THRB: variants seen among roughly 807,000 people sequenced by gnomAD.
The protein encoded by THRB is nuclear receptor subfamily 1 group A member 2.
In THRB, 12 loss-of-function variants were observed where a neutral mutation model predicts 47.8. The observed-to-expected ratio is 0.25, with a 90% CI of 0.16 to 0.41. THRB has a LOEUF of 0.41. Among genes scored for constraint, THRB ranks in the 10% least tolerant of loss-of-function variants. THRB has a pLI of 1.00. For missense variants in THRB, 348 were observed against 589.2 expected (o/e 0.59, Z 4.24); for synonymous variants, 218 against 212.2 (o/e 1.03, Z -0.24).
intron 1 of THRB, among the ~76,000 whole-genome samples, chr3:24,404,643 T>C (rs2067679799): frequency 6.6e-6 from 1 of 151,898 alleles, no homozygotes; most frequent in African/African-American, 2.4e-5. Context: ...TCATGAAAAA[T>C]GTTATTTATG....
chr3:24,261,103 G>A (rs990617517), intron 3 of THRB, among the ~76,000 whole-genome samples: 1 of 107,760 alleles, frequency 9.3e-6, no homozygotes, highest in Admixed American at 9.0e-5. Context: ...CCCACTTAGA[G>A]ACATGTTGCA....
chr3:24,133,538 G>A (rs1559416104), intron 8 of THRB, 76 bp from the exon 9 acceptor site: 6 of 1,376,262 alleles, frequency 4.4e-6, no homozygotes, highest in Non-Finnish European at 6.2e-6. Flanking sequence ...TTATGTGGCA[G>A]AAAATCTCTT....
At chr3:24,354,478 T>A (rs2063547250) in intron 1 of THRB, among the ~76,000 whole-genome samples, 1 of 152,176 alleles carries the variant, frequency 6.6e-6, no homozygotes, top group South Asian at 2.1e-4. Context: ...GACTAGGATC[T>A]CACCATTGGG....
At position 24,135,847 on chromosome 3, in the gene THRB, A is replaced by ATATATATATATATATATATATATATT. The variant is rs371175625; in HGVS notation, c.739-2386_739-2385insAATATATATATATATATATATATATA. On this transcript the variant is annotated intron_variant, in intron 8 of 10. Transcript: ENST00000646209. Reference sequence around the variant, plus strand: ...TATATATATATATATATATATATATAATACATAAATATATATTAATTACAT... The same window carrying ATATATATATATATATATATATATATT: ...TATATATATATATATATATATATATATATATATATATATATATATATATATTATACATAAATATATATTAATTACAT... 1.4e-4 allele frequency among the ~76,000 whole-genome samples: 18 copies of ATATATATATATATATATATATATATT among 130,980 alleles called. No individual in the cohort carries two copies. In the East Asian group the frequency reaches 1.5e-3, roughly 11 times the overall value. 85.9% of individuals were successfully genotyped at this position (130,980 alleles called of 152,430 possible).
intron 3 of THRB, among the ~76,000 whole-genome samples, chr3:24,270,025 T>C (rs949984523): frequency 5.9e-5 from 9 of 152,220 alleles, no homozygotes; most frequent in Non-Finnish European, 1.2e-4. Flanking sequence ...GTTTTACAAA[T>C]AGTGTTTACT....
intron 1 of THRB, among the ~76,000 whole-genome samples, chr3:24,421,600 G>A (rs182254884): frequency 1.3e-5 from 2 of 151,972 alleles, no homozygotes; most frequent in African/African-American, 2.4e-5. Context: ...AGTTTCCACA[G>A]GACGTGCCAC....
At chr3:24,441,280 T>A (rs888372614) in intron 1 of THRB, among the ~76,000 whole-genome samples, 1 of 152,180 alleles carries the variant, frequency 6.6e-6, no homozygotes, top group Admixed American at 6.5e-5. Flanking sequence ...ATTATCATAT[T>A]CACAGGTCCA....
intron 3 of THRB, among the ~76,000 whole-genome samples, chr3:24,280,379 C>G (rs892769829): frequency 1.1e-4 from 17 of 152,218 alleles, no homozygotes; most frequent in Admixed American, 7.8e-4. Flanking sequence ...TGAGGGTCCT[C>G]TCTGTTAGAA....
chr3:24,208,590 C>A (rs1249538442), intron 4 of THRB, among the ~76,000 whole-genome samples: 5 of 152,126 alleles, frequency 3.3e-5, no homozygotes, highest in Non-Finnish European at 7.4e-5. Flanking sequence ...CAAAAACAAG[C>A]AATGGGGAAA....
chr3:24,372,737 C>G (rs2065007111), intron 1 of THRB, among the ~76,000 whole-genome samples: 1 of 152,020 alleles, frequency 6.6e-6, no homozygotes, highest in African/African-American at 2.4e-5. Context: ...TCCAATGTCT[C>G]AGGAAATTAA....
intron 3 of THRB, among the ~76,000 whole-genome samples, chr3:24,261,497 C>CAA (rs35109952): frequency 0.13 from 11,343 of 87,944 alleles, 563 homozygotes; most frequent in East Asian, 0.18. Flanking sequence ...GATTCTGTCT[C>CAA]AAAAAAAAAA....
chr3:24,341,169 ATTCCT>A (rs1041179683), intron 1 of THRB, among the ~76,000 whole-genome samples: 1 of 56,374 alleles, frequency 1.8e-5, no homozygotes, highest in Non-Finnish European at 3.2e-5. Context: ...TCCCTTCCTT[ATTCCT>A]TTCCTTTCCT....
At chr3:24,194,124 A>C (rs148592906) in intron 4 of THRB, among the ~76,000 whole-genome samples, 10 of 152,288 alleles carry the variant, frequency 6.6e-5, no homozygotes, top group African/African-American at 2.4e-4. Flanking sequence ...GGACTTCAGA[A>C]AGGGTCAGGG....
chr3:24,233,599 G>GAAAGAAAGAAAGAAAAAA (rs1553658474), intron 3 of THRB, among the ~76,000 whole-genome samples: 1 of 150,798 alleles, frequency 6.6e-6, no homozygotes, highest in Non-Finnish European at 1.5e-5. Flanking sequence ...AAGAAAGAAA[G>GAAAGAAAGAAAGAAAAAA]AAAGAAAGAA....
intron 3 of THRB, among the ~76,000 whole-genome samples, chr3:24,282,645 A>T (rs1314141114): frequency 2.1e-5 from 3 of 144,924 alleles, no homozygotes; most frequent in African/African-American, 8.4e-5. Context: ...CGAATCCAGG[A>T]GCTGGTTTTT....
chr3:24,477,599 G>T (rs978535876), intron 1 of THRB, among the ~76,000 whole-genome samples: 2 of 152,096 alleles, frequency 1.3e-5, no homozygotes, highest in African/African-American at 2.4e-5. Context: ...AGTCTGAGGA[G>T]ATTGAGAGGA....
At chr3:24,472,156 A>G (rs1018477951) in intron 1 of THRB, among the ~76,000 whole-genome samples, 2 of 152,210 alleles carry the variant, frequency 1.3e-5, no homozygotes, top group Non-Finnish European at 2.9e-5. Flanking sequence ...TCACCTAGCT[A>G]GTAGGGACAC....
chr3:24,209,252 T>C (rs961536229), intron 4 of THRB, among the ~76,000 whole-genome samples: 1 of 152,214 alleles, frequency 6.6e-6, no homozygotes, highest in African/African-American at 2.4e-5. Flanking sequence ...GTAAACTAGT[T>C]CAACCATTGT....
chr3:24,143,008 C>T (rs1171816703), intron 8 of THRB, among the ~76,000 whole-genome samples: 1 of 152,280 alleles, frequency 6.6e-6, no homozygotes, highest in East Asian at 1.9e-4. Flanking sequence ...ATTCCCATTG[C>T]CCTTCTTGAG....
Sources: allele counts gnomAD v4.1 joint callset (sites outside exome capture counted in the v4.1 genomes callset), GRCh38; gene constraint gnomAD v4.1.1; transcripts MANE v1.5; gene names NCBI Gene and HGNC (gene_info 2026-07-23, HGNC 2026-07-21).